FBXL16: variants seen among roughly 807,000 people sequenced by gnomAD.
The protein encoded by FBXL16 is F-box and leucine rich repeat protein 16, also known as F-box/LRR-repeat protein 16.
In FBXL16, 7 loss-of-function variants were observed where a neutral mutation model predicts 36.7. The ratio of observed to expected loss-of-function variants is 0.19; its 90% CI spans 0.11 to 0.36. The LOEUF (loss-of-function observed/expected upper bound fraction) is 0.36, where lower values mean the gene tolerates loss of function less well. Among genes scored for constraint, FBXL16 ranks in the 10% least tolerant of loss-of-function variants. FBXL16 has a pLI of 1.00. For synonymous variants in FBXL16, 355 were observed against 308.7 expected, an observed-to-expected ratio of 1.15 and a Z score of -1.57; for missense variants, 463 against 659.4, an observed-to-expected ratio of 0.70 and a Z score of 3.26.
chr16:699,573 A>G (rs984040065), intron 1 of FBXL16, among the ~76,000 whole-genome samples: 3 of 152,190 alleles, frequency 2.0e-5, no homozygotes, highest in African/African-American at 7.2e-5. Context: ...GGGGCATTGC[A>G]AAGTGAACGA....
chr16:698,757 T>G (rs2040033462), intron 1 of FBXL16, among the ~76,000 whole-genome samples: 2 of 151,290 alleles, frequency 1.3e-5, no homozygotes, highest in Admixed American at 1.3e-4. Flanking sequence ...CTACTAAAAA[T>G]ACAAAAATTA....
intron 1 of FBXL16, 113 bp downstream of exon 1, chr16:705,399 G>C (rs2151523633): frequency 6.6e-6 from 1 of 151,936 alleles, no homozygotes; most frequent in Non-Finnish European, 1.5e-5. Flanking sequence ...GCCCTTCCCG[G>C]GCGGCGGCGG....
rs1351682843 is a variant in FBXL16, at chr16:696,852, A to G, written c.554T>C (p.Ile185Thr). 4 of 1,588,728 alleles carry G rather than the reference A, an allele frequency of 2.5e-6. No homozygotes were observed. Among genetic ancestry groups the G allele is most frequent in the Non-Finnish European group, 2.6e-6 (3 of 1,171,438 alleles). Residue 185 changes from isoleucine to threonine, a missense_variant, in exon 2 of 6, where the codon ATT becomes ACT. Physicochemically the swap from Ile to Thr is moderately conservative, Grantham distance 89 (BLOSUM62 -1). Around this residue, in one of 3 missense-constraint regions of FBXL16, gnomAD observed 263 missense variants for 341.1 expected, o/e 0.77. Transcript: ENST00000397621. ...GVSDLDICEF[I>T]DNYALSKKGV... ...CTTCTTGGAGAGCGCATAGTTGTCA[A>G]TGAACTCACAGATGTCCAGGTCGGA...
rs971848202 is a variant in FBXL16 at position 697,948 on chromosome 16, C to A, written c.-14-529G>T. Among the ~76,000 whole-genome samples, 1 of 151,350 alleles carries A rather than the reference C, an allele frequency of 6.6e-6. No individual in the cohort carries two copies. The highest frequency in any genetic ancestry group is 1.5e-5 in the Non-Finnish European group (1 of 67,878). ...CCGGGAGGCGGAGCTTGCAGTGAGC[C>A]GAGATTGCGCCACTGCACTCCAGCC... On this transcript the variant is annotated intron_variant, in intron 1 of 5. Transcript: ENST00000397621. This position sits in a 1 kb window ranked among gnomAD's most constrained non-coding sequence, Gnocchi z 4.6.
chr16:694,882 T>G (rs2039998701), intron 4 of FBXL16, 110 bp downstream of exon 4: 2 of 1,300,284 alleles, frequency 1.5e-6, no homozygotes, highest in Admixed American at 2.5e-5. Context: ...GGTCGGCTGC[T>G]GGATAGGGAG....
chr16:703,987 C>A (rs1242782185), intron 1 of FBXL16, among the ~76,000 whole-genome samples: 1 of 152,258 alleles, frequency 6.6e-6, no homozygotes, highest in Admixed American at 6.5e-5. Context: ...GGCCTGAACC[C>A]ACACATTGCA....
At chr16:698,366 A>G (rs1385668156) in intron 1 of FBXL16, among the ~76,000 whole-genome samples, 1 of 152,230 alleles carries the variant, frequency 6.6e-6, no homozygotes, top group Non-Finnish European at 1.5e-5. Context: ...CTTAGGTACC[A>G]TGATGGCCAT....
At position 696,132 on chromosome 16, in the gene FBXL16, C is replaced by T. The variant is rs559878435; in HGVS notation, c.634-209G>A. ...CAGCGTTACAATTAGACTCCAGACC[C>T]GGCTGCCAGGCGGCTCCTCTGACCT... On this transcript the variant is annotated intron_variant, in intron 2 of 5. Coordinates refer to ENST00000397621, the MANE Select transcript of FBXL16 (RefSeq NM_153350.4). 246 of 649,046 alleles carry T rather than the reference C, an allele frequency of 3.8e-4. 1 individual carries two copies. In the African/African-American group the frequency reaches 4.1e-3, roughly 11 times the overall value. 40.2% of individuals were successfully genotyped at this position (649,046 alleles called of 1,614,324 possible). A position where few individuals can be genotyped will look rare whatever the true frequency, so the allele number is the denominator to read the frequency against.
chr16:695,383 A>C lies in FBXL16; in HGVS notation c.1142+32T>G, dbSNP rs557595680. 2,030 of 1,438,162 alleles carry C rather than the reference A, an allele frequency of 1.4e-3. 8 individuals carry two copies. Among genetic ancestry groups the C allele is most frequent in the Middle Eastern group, 0.014 (63 of 4,482 alleles). 89.1% of individuals were successfully genotyped at this position (1,438,162 alleles called of 1,614,324 possible). On this transcript the variant is annotated intron_variant, in intron 3 of 5. Transcript: ENST00000397621. The stretch of plus-strand genomic sequence containing the variant: ...CGCCCCGTGCAGCCCCGCCCGGCCC[A>C]GCCCCGCCCGGCGCGGCCCGGGGGC...
In FBXL16 at chr16:705,605, G is replaced by A. The variant is rs2040087583; in HGVS notation, c.-108C>T. The A allele has an allele frequency of 6.7e-6, 1 of 149,632 alleles. No homozygotes were observed. The highest frequency in any genetic ancestry group is 2.4e-5 in the African/African-American group (1 of 41,074). 9.3% of individuals were successfully genotyped at this position (149,632 alleles called of 1,614,324 possible). A position where few individuals can be genotyped will look rare whatever the true frequency, so the allele number is the denominator to read the frequency against. On this transcript the variant is annotated 5_prime_UTR_variant, in exon 1 of 6. Coordinates refer to ENST00000397621, the MANE Select transcript of FBXL16 (RefSeq NM_153350.4). ...TGGGCGTCGGCGCGCGGGGGCCGCCGGGGTGCTGGACTGGCCGGCAGGGCC... is the reference window on the plus strand; with the variant it reads ...TGGGCGTCGGCGCGCGGGGGCCGCCAGGGTGCTGGACTGGCCGGCAGGGCC...
intron 1 of FBXL16, among the ~76,000 whole-genome samples, chr16:700,462 G>C (rs564116527): frequency 6.6e-6 from 1 of 152,198 alleles, no homozygotes; most frequent in East Asian, 1.9e-4. Context: ...CACATGATTC[G>C]ACCTCACGGC....
At chr16:698,913 C>CAAAAAAAAAAAAAAAAAA (rs767619638) in intron 1 of FBXL16, among the ~76,000 whole-genome samples, 4 of 89,696 alleles carry the variant, frequency 4.5e-5, no homozygotes, top group East Asian at 4.6e-4. Flanking sequence ...GACTTTGTCT[C>CAAAAAAAAAAAAAAAAAA]AAAAAAAAAA....
chr16:705,064 C>G (rs768543405), intron 1 of FBXL16, among the ~76,000 whole-genome samples: 8 of 152,170 alleles, frequency 5.3e-5, no homozygotes, highest in Non-Finnish European at 1.2e-4. Context: ...GCGCAGGCCC[C>G]GGGTCCAGAA....
chr16:695,963 G>T, intron 2 of FBXL16, 40 bp from the exon 3 acceptor site: 4 of 1,544,972 alleles, frequency 2.6e-6, no homozygotes, highest in Non-Finnish European at 3.5e-6. Context: ...TGCAGGAGAA[G>T]GGGTGGAGCC....
intron 5 of FBXL16, 30 bp downstream of exon 5, chr16:694,604 C>A (rs745741161): frequency 1.3e-6 from 2 of 1,597,562 alleles, no homozygotes; most frequent in South Asian, 2.3e-5. Context: ...GTGGTCACTG[C>A]CAGCGTCAGA....
At chr16:698,144 C>T (rs551672087) in intron 1 of FBXL16, among the ~76,000 whole-genome samples, 80 of 152,000 alleles carry the variant, frequency 5.3e-4, no homozygotes, top group Non-Finnish European at 8.5e-4. Flanking sequence ...GCTGGGAATT[C>T]GGGCGCCCAC....
chr16:697,100 G>T lies in FBXL16; in HGVS notation c.306C>A (p.Leu102=). Reference sequence around the variant, plus strand: ...CCGAGAAATACCAGAAGAGCCCATTGAGGATCTTCTCGTCCGTGGCCAGCG... The same window carrying T: ...CCGAGAAATACCAGAAGAGCCCATTTAGGATCTTCTCGTCCGTGGCCAGCG... ...RPPLATDEKI[L]NGLFWYFSAC... Residue 102 remains leucine, a synonymous_variant, in exon 2 of 6, where the codon CTC becomes CTA. Transcript: ENST00000397621. The surrounding 1 kb of genome is among the most constrained non-coding windows in gnomAD (Gnocchi z 4.6). 6.2e-7 allele frequency: 1 copy of T among 1,608,162 alleles called. No individual in the cohort carries two copies. The highest frequency in any genetic ancestry group is 8.5e-7 in the Non-Finnish European group (1 of 1,177,532).
At position 696,798 on chromosome 16, in the gene FBXL16, G is replaced by T; in HGVS notation, c.608C>A (p.Ser203Tyr). The change falls in exon 2 of 6, where the codon TCC becomes TAC. Residue 203 changes from serine (S) to tyrosine (Y), a missense_variant. This residue lies in a region of FBXL16 where 263 missense variants were observed against 341.1 expected (regional missense o/e 0.77). Coordinates refer to ENST00000397621, the MANE Select transcript of FBXL16 (RefSeq NM_153350.4). ...KGVKAMSLKR[S>Y]TITDAGLEVM... ...CTCGAGGCCTGCGTCCGTGATGGTG[G>T]AGCGCTTGAGGCTCATGGCTTTGAC... 1 of 1,365,914 alleles carries T rather than the reference G, an allele frequency of 7.3e-7. No individual in the cohort carries two copies. The allele number at this position is 1,365,914 out of a possible 1,614,324, so 84.6% of individuals were successfully genotyped here.
intron 2 of FBXL16, among the ~76,000 whole-genome samples, chr16:696,559 T>C (rs1369217992): frequency 6.6e-6 from 1 of 152,194 alleles, no homozygotes; most frequent in Non-Finnish European, 1.5e-5. Flanking sequence ...CCACCGGGCC[T>C]GGGCCCTGCA....
Sources: allele counts gnomAD v4.1 joint callset (sites outside exome capture counted in the v4.1 genomes callset), GRCh38; gene constraint gnomAD v4.1.1; regional missense constraint gnomAD v4.1.1; non-coding constraint Gnocchi (gnomAD v3.1); transcripts MANE v1.5; gene names NCBI Gene and HGNC (gene_info 2026-07-23, HGNC 2026-07-21).